Variants in FBXW7 observed in about 807,000 individuals in gnomAD.
FBXW7 encodes the protein F-box/WD repeat-containing protein 7.
A neutral mutation model predicts 86.3 loss-of-function variants in FBXW7; 11 were observed. That is an observed-to-expected ratio of 0.13 (90% CI 0.08 to 0.21). The LOEUF is 0.21. Among genes scored for constraint, FBXW7 ranks in the 10% least tolerant of loss-of-function variants. The pLI is 1.00. For missense variants in FBXW7, 488 were observed against 847.4 expected, an observed-to-expected ratio of 0.58 and a Z score of 5.27; for synonymous variants, 313 against 297.9, an observed-to-expected ratio of 1.05 and a Z score of -0.52.
chr4:152,423,732 G>A (rs955704980), intron 2 of FBXW7, among the ~76,000 whole-genome samples: 10 of 151,914 alleles, frequency 6.6e-5, no homozygotes, highest in East Asian at 1.9e-4. Flanking sequence ...AACAGACAGA[G>A]TATAAATTGT....
chr4:152,458,166 C>T (rs533527600), intron 2 of FBXW7, among the ~76,000 whole-genome samples: 12 of 152,040 alleles, frequency 7.9e-5, no homozygotes, highest in South Asian at 2.1e-4. Context: ...ATTACAGGCA[C>T]GCACCACCAC....
chr4:152,425,731 G>A (rs1009377840), intron 2 of FBXW7, among the ~76,000 whole-genome samples: 41 of 152,056 alleles, frequency 2.7e-4, no homozygotes, highest in Admixed American at 2.6e-3. Flanking sequence ...TGCCCTGAGA[G>A]TTTTTCGAAA....
chr4:152,327,505 G>A (rs1729156792), intron 11 of FBXW7, among the ~76,000 whole-genome samples: 1 of 151,972 alleles, frequency 6.6e-6, no homozygotes, highest in Non-Finnish European at 1.5e-5. Flanking sequence ...TAATAGGAGG[G>A]CTTTACAGGA....
chr4:152,536,010 G>GCGGCAGCGGCAGCGGCGGCGGCA lies in FBXW7; in HGVS notation c.-1097_-1096insTGCCGCCGCCGCTGCCGCTGCCG, dbSNP rs1561015664. ...CGCTCTCAGTCTCAGCGGCGGCGGCGGCGGCAGCGGCAGCGGCAGCGCCCG... is the reference window on the plus strand; with the variant it reads ...CGCTCTCAGTCTCAGCGGCGGCGGCGCGGCAGCGGCAGCGGCGGCGGCAGCGGCAGCGGCAGCGGCAGCGCCCG... On this transcript the variant is annotated 5_prime_UTR_variant, in exon 1 of 14. Transcript: ENST00000281708. The GCGGCAGCGGCAGCGGCGGCGGCA allele has an allele frequency of 1.3e-5, 3 of 225,478 alleles. No individual in the cohort carries two copies. Among genetic ancestry groups the GCGGCAGCGGCAGCGGCGGCGGCA allele is most frequent in the South Asian group, 7.6e-5 (1 of 13,138 alleles). The allele number at this position is 225,478 out of a possible 1,614,324, so 14.0% of individuals were successfully genotyped here. A position where few individuals can be genotyped will look rare whatever the true frequency, so the allele number is the denominator to read the frequency against.
At chr4:152,472,721 T>G (rs1403713107) in intron 2 of FBXW7, among the ~76,000 whole-genome samples, 1 of 152,198 alleles carries the variant, frequency 6.6e-6, no homozygotes, top group African/African-American at 2.4e-5. Flanking sequence ...GTGTTCATTT[T>G]GTAAAGTTCA....
intron 2 of FBXW7, among the ~76,000 whole-genome samples, chr4:152,476,701 G>C (rs993108266): frequency 6.6e-6 from 1 of 152,082 alleles, no homozygotes; most frequent in East Asian, 1.9e-4. Flanking sequence ...GTATACTCAT[G>C]AAAAAAATTT....
intron 4 of FBXW7, among the ~76,000 whole-genome samples, chr4:152,409,441 G>A (rs1423336968): frequency 2.6e-5 from 4 of 152,122 alleles, no homozygotes; most frequent in Middle Eastern, 3.4e-3. Context: ...ATGTATACAC[G>A]GAGAATACTG....
At chr4:152,462,111 GCCCAGGGCAT>G (rs754021677) in intron 2 of FBXW7, among the ~76,000 whole-genome samples, 14 of 152,112 alleles carry the variant, frequency 9.2e-5, no homozygotes, top group Non-Finnish European at 1.8e-4. Context: ...CTAACCTGAT[GCCCAGGGCAT>G]CCCCTCTGCA....
chr4:152,450,451 G>A (rs1356923177), intron 2 of FBXW7, among the ~76,000 whole-genome samples: 2 of 152,172 alleles, frequency 1.3e-5, no homozygotes, highest in Non-Finnish European at 2.9e-5. Flanking sequence ...TTTCTTAAAT[G>A]AGCAAAAGAA....
At chr4:152,504,817 A>AT (rs960832566) in intron 2 of FBXW7, among the ~76,000 whole-genome samples, 2 of 152,032 alleles carry the variant, frequency 1.3e-5, no homozygotes, top group African/African-American at 2.4e-5. Flanking sequence ...TAAAATAACA[A>AT]TTTTTTTTAT....
chr4:152,470,896 A>G (rs556294975), intron 2 of FBXW7, among the ~76,000 whole-genome samples: 6 of 152,256 alleles, frequency 3.9e-5, no homozygotes, highest in Non-Finnish European at 8.8e-5. Context: ...ATGACTCCTC[A>G]AAAACAAAAC....
At chr4:152,397,965 C>T (rs1480569349) in intron 4 of FBXW7, among the ~76,000 whole-genome samples, 1 of 151,924 alleles carries the variant, frequency 6.6e-6, no homozygotes, top group Non-Finnish European at 1.5e-5. Flanking sequence ...TAAAAGCATA[C>T]TTATACTTCC....
At chr4:152,404,852 G>C (rs1265881033) in intron 4 of FBXW7, among the ~76,000 whole-genome samples, 2 of 152,048 alleles carry the variant, frequency 1.3e-5, no homozygotes, top group African/African-American at 4.8e-5. Context: ...CAGCACTTTG[G>C]GAGGCCCAGG....
intron 4 of FBXW7, chr4:152,352,558 C>A (rs759785306): frequency 6.2e-7 from 1 of 1,613,934 alleles, no homozygotes; most frequent in South Asian, 1.1e-5. Flanking sequence ...GTGTGTCCGG[C>A]TGCTTGGCAG....
At position 152,322,859 on chromosome 4, in the gene FBXW7, A is replaced by G. The variant is rs1239433424; in HGVS notation, c.*22T>C. On this transcript the variant is annotated 3_prime_UTR_variant, in exon 14 of 14. Transcript: ENST00000281708. ...GGGAGTATATCGTCTACACAATTGG[A>G]CAAATTCATCTTTTCTGCTCTTCAC... 1 of 1,611,908 alleles carries G rather than the reference A, an allele frequency of 6.2e-7. No homozygotes were observed. Among genetic ancestry groups the G allele is most frequent in the East Asian group, 2.2e-5 (1 of 44,812 alleles).
At chr4:152,500,450 T>C (rs1325772619) in intron 2 of FBXW7, among the ~76,000 whole-genome samples, 2 of 128,122 alleles carry the variant, frequency 1.6e-5, no homozygotes, top group East Asian at 2.5e-4. Flanking sequence ...ATCATCATCA[T>C]CACCCATTTC....
chr4:152,331,676 T>C (rs2126541915), intron 8 of FBXW7, among the ~76,000 whole-genome samples: 1 of 152,180 alleles, frequency 6.6e-6, no homozygotes, highest in South Asian at 2.1e-4. Context: ...CAAAACAATG[T>C]GAATGTACTT....
At chr4:152,372,682 C>T (rs1734108601) in intron 4 of FBXW7, among the ~76,000 whole-genome samples, 1 of 151,824 alleles carries the variant, frequency 6.6e-6, no homozygotes, top group African/African-American at 2.4e-5. Flanking sequence ...TTTCATCTGT[C>T]TTCTATATTA....
intron 2 of FBXW7, among the ~76,000 whole-genome samples, chr4:152,505,900 C>T (rs181523587): frequency 2.2e-4 from 33 of 151,992 alleles, no homozygotes; most frequent in African/African-American, 8.0e-4. Flanking sequence ...ACCACCACAC[C>T]CAGCTAATTT....
Sources: gnomAD v4.1 joint callset for allele counts (sites outside exome capture counted in the v4.1 genomes callset) on GRCh38, gnomAD v4.1.1 for gene constraint, MANE v1.5 for transcripts, NCBI Gene and HGNC (gene_info 2026-07-23, HGNC 2026-07-21) for gene names.